The following CREB3L2 variants were observed in gnomAD, a reference collection of about 807,000 sequenced individuals.
The protein encoded by CREB3L2 is cyclic AMP-responsive element-binding protein 3-like protein 2.
Under a neutral mutation model 57.2 loss-of-function variants are expected in CREB3L2, and 23 were observed. That is an observed-to-expected ratio of 0.40 (90% CI 0.29 to 0.57). CREB3L2 has a LOEUF of 0.57. Among genes scored for constraint, CREB3L2 ranks in the 20% least tolerant of loss-of-function variants. CREB3L2 has a pLI of 0.42. For synonymous variants in CREB3L2, 268 were observed against 265.1 expected, an observed-to-expected ratio of 1.01 and a Z score of -0.11; for missense variants, 628 against 634.7, an observed-to-expected ratio of 0.99 and a Z score of 0.11.
intron 1 of CREB3L2, among the ~76,000 whole-genome samples, chr7:137,963,540 G>A (rs1057023997): frequency 1.3e-5 from 2 of 152,160 alleles, no homozygotes; most frequent in African/African-American, 4.8e-5. Context: ...TGAGCAAAAT[G>A]TCTCTAGTCA....
At chr7:137,991,262 C>T (rs1487827932) in intron 1 of CREB3L2, among the ~76,000 whole-genome samples, 1 of 151,764 alleles carries the variant, frequency 6.6e-6, no homozygotes, top group Non-Finnish European at 1.5e-5. Context: ...CTCCCGGGTT[C>T]ATGCTATTCT....
intron 3 of CREB3L2, among the ~76,000 whole-genome samples, chr7:137,915,027 G>T (rs1182132843): frequency 6.6e-6 from 1 of 152,110 alleles, no homozygotes; most frequent in Admixed American, 6.5e-5. Flanking sequence ...GTGCCCGGCT[G>T]CAGATAGACA....
intron 8 of CREB3L2, among the ~76,000 whole-genome samples, chr7:137,891,677 G>A (rs1049306677): frequency 6.6e-6 from 1 of 152,086 alleles, no homozygotes; most frequent in African/African-American, 2.4e-5. Flanking sequence ...CCAGGTTCAA[G>A]CAATTCTCCT....
chr7:137,989,432 G>GGT (rs368275856), intron 1 of CREB3L2, among the ~76,000 whole-genome samples: 1 of 106,032 alleles, frequency 9.4e-6, no homozygotes, highest in African/African-American at 3.7e-5. Flanking sequence ...CTTTTCTCCA[G>GGT]TTTTTTTTTT....
At chr7:137,979,682 T>C (rs944852351) in intron 1 of CREB3L2, among the ~76,000 whole-genome samples, 39 of 152,172 alleles carry the variant, frequency 2.6e-4, no homozygotes, top group African/African-American at 8.2e-4. Flanking sequence ...GCCGAGATCG[T>C]GCCACTGCAC....
chr7:137,883,402 G>T (rs1799341396), intron 10 of CREB3L2, among the ~76,000 whole-genome samples: 1 of 152,140 alleles, frequency 6.6e-6, no homozygotes, highest in Admixed American at 6.5e-5. Context: ...ACCCCCAGTG[G>T]ACGGCTGAAA....
intron 7 of CREB3L2, among the ~76,000 whole-genome samples, chr7:137,902,395 G>A (rs554255795): frequency 9.2e-5 from 14 of 152,136 alleles, no homozygotes; most frequent in African/African-American, 3.4e-4. Context: ...CTCTTACCAG[G>A]ACTGATAAGA....
intron 1 of CREB3L2, among the ~76,000 whole-genome samples, chr7:137,967,141 A>C (rs1585664361): frequency 1.3e-5 from 2 of 152,218 alleles, no homozygotes; most frequent in African/African-American, 4.8e-5. Flanking sequence ...GAAAGAAGGC[A>C]GCTGTCTGCA....
At chr7:137,969,628 G>A (rs1801470151) in intron 1 of CREB3L2, among the ~76,000 whole-genome samples, 1 of 152,038 alleles carries the variant, frequency 6.6e-6, no homozygotes, top group Admixed American at 6.6e-5. Flanking sequence ...TGGGATTACA[G>A]GCGTGAGCCA....
At chr7:137,904,437 G>A (rs912140612) in intron 6 of CREB3L2, among the ~76,000 whole-genome samples, 9 of 152,126 alleles carry the variant, frequency 5.9e-5, no homozygotes, top group South Asian at 2.1e-4. Flanking sequence ...AGGCCAAGGC[G>A]GGTAGATCAC....
chr7:137,917,697 T>C (rs1800167016), intron 2 of CREB3L2, among the ~76,000 whole-genome samples: 1 of 152,208 alleles, frequency 6.6e-6, no homozygotes, highest in African/African-American at 2.4e-5. Flanking sequence ...AGTGACTTCT[T>C]TAAAGCACAA....
intron 2 of CREB3L2, chr7:137,922,453 T>C (rs834927): frequency 0.08 from 5,804 of 72,272 alleles, 600 homozygotes; most frequent in African/African-American, 0.26. Flanking sequence ...TATATATATA[T>C]ACACACATAT....
rs1250125878 is a variant in CREB3L2 at position 137,877,738 on chromosome 7, T to C, written c.*2738A>G. ...ATTCAGAAGACACTGTCTGCCACTA[T>C]TTGAAATCTTTAGAGCTAATCATAA... On this transcript the variant is annotated 3_prime_UTR_variant, in exon 12 of 12. Coordinates refer to ENST00000330387, the MANE Select transcript of CREB3L2 (RefSeq NM_194071.4). 1 of 227,774 alleles carries C rather than the reference T, an allele frequency of 4.4e-6. No homozygotes were observed. Among genetic ancestry groups the C allele is most frequent in the Non-Finnish European group, 8.7e-6 (1 of 114,864 alleles). The allele number at this position is 227,774 out of a possible 1,614,324, so 14.1% of individuals were successfully genotyped here.
Position 137,968,125 on chromosome 7 carries a change from C to T in CREB3L2, c.102+33479G>A, listed in dbSNP as rs551047828. On this transcript the variant is annotated intron_variant, in intron 1 of 11. Coordinates refer to ENST00000330387, the MANE Select transcript of CREB3L2 (RefSeq NM_194071.4). ...CTATTTTCTTTCCAATACAACACAGCGTCGTTTCTACCCCATTTTGGCACA... is the reference window on the plus strand; with the variant it reads ...CTATTTTCTTTCCAATACAACACAGTGTCGTTTCTACCCCATTTTGGCACA... 2.6e-5 allele frequency among the ~76,000 whole-genome samples: 4 copies of T among 152,062 alleles called. No individual in the cohort carries two copies. In the East Asian group the frequency reaches 5.8e-4, roughly 22 times the overall value.
At chr7:137,955,106 A>G (rs1801181692) in intron 1 of CREB3L2, 2 of 372,372 alleles carry the variant, frequency 5.4e-6, no homozygotes, top group Non-Finnish European at 1.1e-5. Flanking sequence ...TGATAAACCA[A>G]TCACTCTCTT....
chr7:137,958,407 A>G (rs559694674), intron 1 of CREB3L2, among the ~76,000 whole-genome samples: 1 of 152,226 alleles, frequency 6.6e-6, no homozygotes, highest in South Asian at 2.1e-4. Flanking sequence ...GTTCACACCT[A>G]TAATCCCAAC....
chr7:137,981,730 A>G (rs1801715623), intron 1 of CREB3L2, among the ~76,000 whole-genome samples: 1 of 152,250 alleles, frequency 6.6e-6, no homozygotes, highest in African/African-American at 2.4e-5. Context: ...TTTGAGTCCG[A>G]ATCTTGAGAA....
At chr7:137,930,479 G>C (rs949052765) in intron 1 of CREB3L2, among the ~76,000 whole-genome samples, 1 of 152,238 alleles carries the variant, frequency 6.6e-6, no homozygotes, top group Non-Finnish European at 1.5e-5. Flanking sequence ...ATGAACACCA[G>C]AAGGGAAGAT....
rs1249333452 is a variant in CREB3L2, at chr7:137,908,237, CCG to C, written c.768+13_768+14del. 8.0e-7 allele frequency: 1 copy of C among 1,254,864 alleles called. No individual in the cohort carries two copies. Among genetic ancestry groups the C allele is most frequent in the East Asian group, 3.0e-5 (1 of 33,476 alleles). 77.7% of individuals were successfully genotyped at this position (1,254,864 alleles called of 1,614,324 possible). On this transcript the variant is annotated intron_variant, in intron 5 of 11. Coordinates refer to ENST00000330387, the MANE Select transcript of CREB3L2 (RefSeq NM_194071.4). ...AGGGTTCCCTTTGGTCCAGGAATGCCCGCTGCATACTTACATGAGGAGCCGTG... is the reference window on the plus strand; with the variant it reads ...AGGGTTCCCTTTGGTCCAGGAATGCCCTGCATACTTACATGAGGAGCCGTG...
Sources: allele counts gnomAD v4.1 joint callset (sites outside exome capture counted in the v4.1 genomes callset), GRCh38; gene constraint gnomAD v4.1.1; transcripts MANE v1.5; gene names NCBI Gene and HGNC (gene_info 2026-07-23, HGNC 2026-07-21).